CHID1: variants seen among roughly 807,000 people sequenced by gnomAD.
CHID1 encodes the protein chitinase domain-containing protein 1.
In CHID1, 44 loss-of-function variants were observed where a neutral mutation model predicts 55.4. That is an observed-to-expected ratio of 0.79 (90% CI 0.62 to 1.02). The LOEUF is 1.02. Ranked by LOEUF, CHID1 falls within the 50% of genes least tolerant of loss-of-function variation. The pLI is 0.00. For synonymous variants in CHID1, 216 were observed against 212.9 expected, an observed-to-expected ratio of 1.01 and a Z score of -0.13; for missense variants, 491 against 515.3, an observed-to-expected ratio of 0.95 and a Z score of 0.46.
intron 1 of CHID1, among the ~76,000 whole-genome samples, chr11:910,482 G>A (rs1026547683): frequency 6.6e-6 from 1 of 151,928 alleles, no homozygotes; most frequent in Non-Finnish European, 1.5e-5. Flanking sequence ...CAGCGCACGC[G>A]CTCCACCTCC....
intron 7 of CHID1, among the ~76,000 whole-genome samples, chr11:894,626 G>C (rs530788924): frequency 6.6e-6 from 1 of 152,298 alleles, no homozygotes; most frequent in African/African-American, 2.4e-5. Flanking sequence ...CTGGGGAGGA[G>C]ACCCACCCCT....
intron 10 of CHID1, among the ~76,000 whole-genome samples, chr11:881,147 G>C (rs1341852799): frequency 6.6e-6 from 1 of 152,158 alleles, no homozygotes; most frequent in Non-Finnish European, 1.5e-5. Flanking sequence ...AGCCTCTAGA[G>C]AATTATAACA....
At chr11:914,687 C>T (rs868853967), upstream of CHID1, 3 of 531,982 alleles carry the variant, frequency 5.6e-6, no homozygotes, top group South Asian at 5.3e-5. Flanking sequence ...TGCACTGCTG[C>T]ACTCCAGCCT....
At chr11:877,109 GCA>G (rs1291828363) in intron 10 of CHID1, among the ~76,000 whole-genome samples, 1 of 152,190 alleles carries the variant, frequency 6.6e-6, no homozygotes, top group Non-Finnish European at 1.5e-5. Flanking sequence ...CTGACTGGGT[GCA>G]CACAGACCCC....
intron 10 of CHID1, among the ~76,000 whole-genome samples, chr11:878,608 G>T (rs1849675807): frequency 6.6e-6 from 1 of 151,938 alleles, no homozygotes; most frequent in African/African-American, 2.4e-5. Context: ...TCAGTTTCAG[G>T]TATTCTGTTA....
intron 7 of CHID1, among the ~76,000 whole-genome samples, chr11:894,115 C>G (rs1851068556): frequency 1.0e-5 from 1 of 100,258 alleles, no homozygotes; most frequent in South Asian, 3.7e-4. Context: ...GAGCATGACT[C>G]TGTCTCAAAA....
At chr11:871,358 A>G (rs940493321) in intron 10 of CHID1, among the ~76,000 whole-genome samples, 1 of 152,124 alleles carries the variant, frequency 6.6e-6, no homozygotes, top group African/African-American at 2.4e-5. Context: ...CCAGGACAGC[A>G]GCAGGCCCCT....
chr11:887,306 G>A (rs767041834), intron 8 of CHID1, among the ~76,000 whole-genome samples: 30 of 152,210 alleles, frequency 2.0e-4, no homozygotes, highest in Non-Finnish European at 3.7e-4. Context: ...GGCATTACAG[G>A]CGCGTACCTC....
intron 10 of CHID1, among the ~76,000 whole-genome samples, chr11:877,555 C>G (rs893234963): frequency 2.6e-5 from 4 of 152,344 alleles, no homozygotes; most frequent in Middle Eastern, 3.4e-3. Context: ...CACACTGATG[C>G]CTTGTGTGAC....
At position 870,464 on chromosome 11, in the gene CHID1, A is replaced by G; in HGVS notation, c.995T>C (p.Met332Thr). Reference sequence around the variant, plus strand: ...CTCTGAGGCCTGGCTGTCCCACACCATCCGGGGCCTGTGGTCCTTCAGTGT... The same window carrying G: ...CTCTGAGGCCTGGCTGTCCCACACCGTCCGGGGCCTGTGGTCCTTCAGTGT... ...IQTLKDHRPR[M>T]VWDSQASEHF... The change falls in exon 11 of 13, where the codon ATG (methionine) becomes ACG (threonine). Residue 332 changes from methionine (M) to threonine (T), a missense_variant. By Grantham distance (81) the Met-to-Thr change is moderately conservative (BLOSUM62 -1). Coordinates refer to ENST00000323578, the MANE Select transcript of CHID1 (RefSeq NM_023947.4). 2.5e-6 allele frequency: 4 copies of G among 1,612,272 alleles called. No homozygotes were observed. Among genetic ancestry groups the G allele is most frequent in the Non-Finnish European group, 3.4e-6 (4 of 1,179,482 alleles).
intron 8 of CHID1, among the ~76,000 whole-genome samples, chr11:888,496 C>T (rs1346889686): frequency 1.3e-5 from 2 of 152,358 alleles, no homozygotes; most frequent in African/African-American, 4.8e-5. Flanking sequence ...CCCCGTGGCA[C>T]CTGGACAAGA....
At chr11:914,813 G>T (rs1364854645), upstream of CHID1, 4 of 339,244 alleles carry the variant, frequency 1.2e-5, no homozygotes, top group Non-Finnish European at 2.3e-5. Flanking sequence ...CCCCAGGCTG[G>T]CCAGTGCTCC....
chr11:894,941 G>C (rs113233007), intron 7 of CHID1, among the ~76,000 whole-genome samples: 3 of 152,198 alleles, frequency 2.0e-5, no homozygotes, highest in Non-Finnish European at 2.9e-5. Flanking sequence ...ACATCATCTG[G>C]TGTTAGTTCT....
At chr11:908,528 C>A in intron 1 of CHID1, 1 of 978,912 alleles carries the variant, frequency 1.0e-6, no homozygotes, top group Non-Finnish European at 1.2e-6. Context: ...GGAAGACGGC[C>A]CAGAATCACT....
At chr11:906,983 G>T (rs574764167) in intron 1 of CHID1, among the ~76,000 whole-genome samples, 4 of 152,166 alleles carry the variant, frequency 2.6e-5, no homozygotes, top group African/African-American at 9.7e-5. Flanking sequence ...AGCCGAGATC[G>T]CGCAATTGCA....
chr11:892,728 C>A (rs543174954), intron 8 of CHID1, among the ~76,000 whole-genome samples: 1 of 152,372 alleles, frequency 6.6e-6, no homozygotes, highest in South Asian at 2.1e-4. Flanking sequence ...GCAGCCCACA[C>A]TGATCAGCGG....
rs1156592512 is a variant in CHID1 at position 875,610 on chromosome 11, ACT to A, written c.960-5113_960-5112del. Among the ~76,000 whole-genome samples, 2 of 151,088 alleles carry A rather than the reference ACT, an allele frequency of 1.3e-5. No individual in the cohort carries two copies. The highest frequency in any genetic ancestry group is 4.9e-5 in the African/African-American group (2 of 40,984). ...GGGGATCGGGGCTGGGGTTGCTGAA[ACT>A]CTTAGCGCCACATGAGGCCGAGGGA... is the stretch of plus-strand genomic sequence containing the variant. On this transcript the variant is annotated intron_variant, in intron 10 of 12. Transcript: ENST00000323578. The surrounding 1 kb of genome is among the most constrained non-coding windows in gnomAD (Gnocchi z 4.7).
chr11:891,837 C>T (rs541449985), intron 8 of CHID1, among the ~76,000 whole-genome samples: 2 of 150,174 alleles, frequency 1.3e-5, no homozygotes, highest in African/African-American at 2.5e-5. Flanking sequence ...TGCCTTACAT[C>T]GGAAAAGGCT....
intron 1 of CHID1, chr11:908,530 A>G: frequency 1.0e-6 from 1 of 979,890 alleles, no homozygotes; most frequent in Non-Finnish European, 1.2e-6. Context: ...AAGACGGCCC[A>G]GAATCACTTG....
Sources: gnomAD v4.1 joint callset for allele counts (sites outside exome capture counted in the v4.1 genomes callset) on GRCh38, gnomAD v4.1.1 for gene constraint, Gnocchi (gnomAD v3.1) non-coding constraint, MANE v1.5 for transcripts, NCBI Gene and HGNC (gene_info 2026-07-23, HGNC 2026-07-21) for gene names.